The following ANTXR2 variants were observed in gnomAD, a reference collection of about 807,000 sequenced individuals.
ANTXR2 encodes the protein anthrax toxin receptor 2.
In ANTXR2, 44 loss-of-function variants were observed where a neutral mutation model predicts 73.7. That is an observed-to-expected ratio of 0.60 (90% CI 0.47 to 0.77). ANTXR2 has a LOEUF of 0.77. Among genes scored for constraint, ANTXR2 ranks in the 30% least tolerant of loss-of-function variants. The pLI is 0.00. For missense variants in ANTXR2, 604 were observed against 592.5 expected, an observed-to-expected ratio of 1.02 and a Z score of -0.20; for synonymous variants, 217 against 205.9, an observed-to-expected ratio of 1.05 and a Z score of -0.46.
intron 11 of ANTXR2, among the ~76,000 whole-genome samples, chr4:80,012,979 T>C (rs1731670038): frequency 6.6e-6 from 1 of 152,240 alleles, no homozygotes; most frequent in Admixed American, 6.5e-5. Flanking sequence ...ATAAAGGATT[T>C]AGCACATATA....
At chr4:80,010,494 C>T (rs1431503232) in intron 11 of ANTXR2, among the ~76,000 whole-genome samples, 1 of 152,182 alleles carries the variant, frequency 6.6e-6, no homozygotes, top group Non-Finnish European at 1.5e-5. Context: ...AATGGCACAC[C>T]ATTTGGCTGT....
At chr4:80,032,233 T>C (rs1382987209) in intron 9 of ANTXR2, among the ~76,000 whole-genome samples, 2 of 151,856 alleles carry the variant, frequency 1.3e-5, no homozygotes, top group East Asian at 3.9e-4. Context: ...AAACTGATCA[T>C]TCTAGAATCT....
intron 16 of ANTXR2, among the ~76,000 whole-genome samples, chr4:79,960,196 A>G (rs879414907): frequency 2.0e-5 from 3 of 152,176 alleles, no homozygotes. Context: ...ACTATTAAGA[A>G]ATCATTCATG....
intron 16 of ANTXR2, among the ~76,000 whole-genome samples, chr4:79,923,353 C>G (rs543562351): frequency 6.6e-6 from 1 of 152,116 alleles, no homozygotes; most frequent in Non-Finnish European, 1.5e-5. Flanking sequence ...AAACATTCCA[C>G]AGGCAAAAGT....
At chr4:79,992,475 T>G (rs1345872868) in intron 12 of ANTXR2, among the ~76,000 whole-genome samples, 2 of 151,882 alleles carry the variant, frequency 1.3e-5, no homozygotes, top group Non-Finnish European at 2.9e-5. Context: ...TATTTCTACT[T>G]AATTCTTTAT....
chr4:80,019,172 G>A (rs909927088), intron 10 of ANTXR2, among the ~76,000 whole-genome samples, 196 bp from the exon 11 acceptor site: 1 of 152,098 alleles, frequency 6.6e-6, no homozygotes, highest in African/African-American at 2.4e-5. Flanking sequence ...ACCGTGCCCA[G>A]CATGGCCAAC....
chr4:79,926,939 A>G (rs201320408), intron 16 of ANTXR2, among the ~76,000 whole-genome samples: 4 of 54,120 alleles, frequency 7.4e-5, no homozygotes, highest in South Asian at 1.9e-3. Context: ...ACATGTGCAT[A>G]TATGTGTATA....
chr4:79,985,547 G>A (rs375451424), intron 12 of ANTXR2, among the ~76,000 whole-genome samples: 107 of 152,136 alleles, frequency 7.0e-4, no homozygotes, highest in African/African-American at 2.5e-3. Context: ...AACCTAGGCT[G>A]GGTGGTGAGA....
chr4:79,927,021 A>G (rs994538946), intron 16 of ANTXR2, among the ~76,000 whole-genome samples: 9 of 120,606 alleles, frequency 7.5e-5, no homozygotes, highest in Admixed American at 2.8e-4. Flanking sequence ...ATATATACAT[A>G]TGTGTATATA....
chr4:79,936,315 T>C (rs1382682038), intron 16 of ANTXR2, among the ~76,000 whole-genome samples: 2 of 150,192 alleles, frequency 1.3e-5, no homozygotes, highest in Non-Finnish European at 2.9e-5. Flanking sequence ...TTTAACTGTC[T>C]TATTTTCAGA....
intron 12 of ANTXR2, among the ~76,000 whole-genome samples, chr4:80,002,730 C>T: frequency 6.6e-6 from 1 of 151,860 alleles, no homozygotes; most frequent in Non-Finnish European, 1.5e-5. Context: ...AACCAACAAC[C>T]CTATCAAAAA....
chr4:79,991,836 G>C (rs1310483768), intron 12 of ANTXR2, among the ~76,000 whole-genome samples: 1 of 152,092 alleles, frequency 6.6e-6, no homozygotes, highest in Non-Finnish European at 1.5e-5. Flanking sequence ...ATTATCCTCA[G>C]AGAATTAGCA....
intron 16 of ANTXR2, among the ~76,000 whole-genome samples, chr4:79,936,704 T>C (rs1005419765): frequency 2.6e-5 from 4 of 152,102 alleles, no homozygotes; most frequent in Non-Finnish European, 5.9e-5. Context: ...ACACATGAAA[T>C]AATTAGAAAA....
Position 79,904,779 on chromosome 4 carries a change from C to G in ANTXR2, c.*2650G>C, listed in dbSNP as rs1394942230. The G allele has an allele frequency of 6.6e-6, 1 of 151,958 alleles. No homozygotes were observed. The highest frequency in any genetic ancestry group is 1.5e-5 in the Non-Finnish European group (1 of 67,964). The allele number at this position is 151,958 out of a possible 1,614,324, so 9.4% of individuals were successfully genotyped here. A position where few individuals can be genotyped will look rare whatever the true frequency, so the allele number is the denominator to read the frequency against. ...AAGTAGATCTTGACTGACATGGTGT[C>G]CAGAAAATCAAACAGAAGCTATTTC... is the stretch of plus-strand genomic sequence containing the variant. On this transcript the variant is annotated 3_prime_UTR_variant, in exon 17 of 17. Transcript: ENST00000403729.
At chr4:79,957,696 T>A (rs960054148) in intron 16 of ANTXR2, among the ~76,000 whole-genome samples, 2 of 152,066 alleles carry the variant, frequency 1.3e-5, no homozygotes, top group African/African-American at 4.8e-5. Flanking sequence ...CTTATCTGTT[T>A]TTTAAAGATT....
intron 2 of ANTXR2, 99 bp downstream of exon 2, chr4:80,071,484 T>C (rs1734782464): frequency 4.0e-6 from 4 of 1,006,534 alleles, no homozygotes; most frequent in Non-Finnish European, 6.2e-6. Flanking sequence ...AAAAGTAACA[T>C]TTCAGGAAAA....
intron 7 of ANTXR2, among the ~76,000 whole-genome samples, chr4:80,039,229 G>C (rs999546273): frequency 6.8e-6 from 1 of 147,618 alleles, no homozygotes; most frequent in African/African-American, 2.4e-5. Context: ...ATAGAGAGGA[G>C]GGAGAAGAGT....
chr4:79,985,712 TGA>T (rs1326571851), intron 12 of ANTXR2, among the ~76,000 whole-genome samples: 7 of 152,192 alleles, frequency 4.6e-5, no homozygotes, highest in Non-Finnish European at 2.9e-5. Context: ...AGACTCCAAC[TGA>T]GAGTCTCCTA....
At chr4:80,000,108 G>A (rs1027567188) in intron 12 of ANTXR2, among the ~76,000 whole-genome samples, 1 of 151,956 alleles carries the variant, frequency 6.6e-6, no homozygotes, top group Non-Finnish European at 1.5e-5. Context: ...CTTAGGTGAG[G>A]CATCCCTGTG....
Sources: allele counts gnomAD v4.1 joint callset (sites outside exome capture counted in the v4.1 genomes callset), GRCh38; gene constraint gnomAD v4.1.1; transcripts MANE v1.5; gene names NCBI Gene and HGNC (gene_info 2026-07-23, HGNC 2026-07-21).